Variants in KIF15 observed in about 807,000 individuals in gnomAD.
KIF15 encodes kinesin-like protein KIF15.
KIF15 carries 140 observed loss-of-function variants against 190.6 expected under a neutral mutation model. The ratio of observed to expected loss-of-function variants is 0.73; its 90% CI spans 0.64 to 0.84. The LOEUF (loss-of-function observed/expected upper bound fraction) is 0.84. Among genes scored for constraint, KIF15 ranks in the 40% least tolerant of loss-of-function variants. The pLI is 0.00. For missense variants in KIF15, 1,372 were observed against 1,584.4 expected, an observed-to-expected ratio of 0.87 and a Z score of 2.28; for synonymous variants, 528 against 551.3, an observed-to-expected ratio of 0.96 and a Z score of 0.59.
At chr3:44,808,690 T>C (rs569208807) in intron 16 of KIF15, among the ~76,000 whole-genome samples, 11 of 152,022 alleles carry the variant, frequency 7.2e-5, no homozygotes, top group Non-Finnish European at 1.6e-4. Flanking sequence ...TCTTTCCACA[T>C]TAACTGGTAC....
chr3:44,829,653 A>G (rs1247146549), intron 24 of KIF15, among the ~76,000 whole-genome samples: 1 of 115,144 alleles, frequency 8.7e-6, no homozygotes, highest in African/African-American at 3.2e-5. Flanking sequence ...TTATATATGT[A>G]TATATTATGT....
In KIF15 at chr3:44,812,255, A is replaced by G. The variant is rs778790727; in HGVS notation, c.2243A>G (p.Asp748Gly). ...HKNLKLQQHVDKLEHHSTQMQ... is the reference protein window; with the variant it reads ...HKNLKLQQHVGKLEHHSTQMQ... ...AACCTAAAGCTTCAGCAGCATGTTGACAAACTGGAACATCATTCTACCCAA... is the reference window on the plus strand; with the variant it reads ...AACCTAAAGCTTCAGCAGCATGTTGGCAAACTGGAACATCATTCTACCCAA... The change falls in exon 18 of 35, where the codon GAC becomes GGC. Residue 748 changes from aspartate (D) to glycine (G), a missense_variant. Asp to Gly is a moderately conservative substitution (Grantham distance 94). Transcript: ENST00000326047. The G allele has an allele frequency of 6.2e-7, 1 of 1,614,168 alleles. No individual in the cohort carries two copies. The highest frequency in any genetic ancestry group is 1.1e-5 in the South Asian group (1 of 91,080).
chr3:44,772,101 G>A (rs1705665828), intron 1 of KIF15, among the ~76,000 whole-genome samples: 1 of 152,074 alleles, frequency 6.6e-6, no homozygotes, highest in Non-Finnish European at 1.5e-5. Context: ...TGTTTATAGA[G>A]ATCACACACA....
At chr3:44,774,786 G>A (rs1190114088) in intron 2 of KIF15, among the ~76,000 whole-genome samples, 1 of 152,156 alleles carries the variant, frequency 6.6e-6, no homozygotes, top group Non-Finnish European at 1.5e-5. Context: ...AAAGGTATAG[G>A]TCATGTGAGA....
chr3:44,791,510 T>G (rs1706695202), intron 7 of KIF15, among the ~76,000 whole-genome samples: 1 of 152,236 alleles, frequency 6.6e-6, no homozygotes, highest in East Asian at 1.9e-4. Context: ...GCTGGGATTT[T>G]GAGTGGGGTT....
intron 16 of KIF15, 39 bp from the exon 17 acceptor site, chr3:44,810,807 A>G (rs1707748628): frequency 1.4e-6 from 2 of 1,471,754 alleles, no homozygotes; most frequent in Non-Finnish European, 1.9e-6. Context: ...CCCTTTTTAA[A>G]TATGTGCTAA....
Position 44,852,177 on chromosome 3 carries a change from A to G in KIF15, c.3973-31A>G, listed in dbSNP as rs756535727. On this transcript the variant is annotated intron_variant, in intron 33 of 34. Coordinates refer to ENST00000326047, the MANE Select transcript of KIF15 (RefSeq NM_020242.3). ...AAAAGAAAATTAAGACCTACTTCTC[A>G]TTTTTCCCTCCTTGGATTGATTACC... 10 of 1,587,370 alleles carry G rather than the reference A, an allele frequency of 6.3e-6. No homozygotes were observed. The African/African-American group carries it at 1.1e-4, about 17-fold the overall frequency.
intron 10 of KIF15, chr3:44,799,075 C>T: frequency 2.9e-6 from 1 of 345,072 alleles, no homozygotes; most frequent in South Asian, 2.3e-5. Context: ...ATCATTAGAG[C>T]TTCCTGACCC....
intron 13 of KIF15, 90 bp downstream of exon 13, chr3:44,802,064 A>C: frequency 1.2e-6 from 1 of 862,834 alleles, no homozygotes; most frequent in Non-Finnish European, 1.8e-6. Context: ...CTTTAATACA[A>C]TGGAAATTGT....
chr3:44,763,969 T>C (rs1705276593), intron 1 of KIF15, among the ~76,000 whole-genome samples: 1 of 152,228 alleles, frequency 6.6e-6, no homozygotes, highest in African/African-American at 2.4e-5. Flanking sequence ...ATTACAGGCG[T>C]GAGCCACTGC....
chr3:44,859,965 T>G (rs112667895), intron 6 of KIF15, among the ~76,000 whole-genome samples: 2 of 152,280 alleles, frequency 1.3e-5, no homozygotes, highest in African/African-American at 4.8e-5. Context: ...ATGGCATCAC[T>G]TCAGCCATCA....
chr3:44,823,825 C>T (rs985583973), intron 20 of KIF15, among the ~76,000 whole-genome samples: 13 of 152,180 alleles, frequency 8.5e-5, no homozygotes, highest in African/African-American at 2.4e-4. Context: ...GAGCTAGGTG[C>T]GGGATATAAT....
At chr3:44,827,662 G>C in intron 23 of KIF15, 134 bp downstream of exon 23, 1 of 521,796 alleles carries the variant, frequency 1.9e-6, no homozygotes, top group East Asian at 3.3e-5. Context: ...TTTGGGGCTG[G>C]TTCTATTATT....
At position 44,800,244 on chromosome 3, in the gene KIF15, CA is replaced by C. The variant is rs1336794559; in HGVS notation, c.1099-67del. The stretch of plus-strand genomic sequence containing the variant: ...GTTCATCACTACAAATCATACCAAA[CA>C]AATGTAAACACAGGACTATACTACT... On this transcript the variant is annotated intron_variant, in intron 10 of 34. Transcript: ENST00000326047. 4 of 1,443,594 alleles carry C rather than the reference CA, an allele frequency of 2.8e-6. No individual in the cohort carries two copies. In the African/African-American group the frequency reaches 4.3e-5, roughly 15 times the overall value. The allele number at this position is 1,443,594 out of a possible 1,614,324, so 89.4% of individuals were successfully genotyped here.
chr3:44,848,021 T>A lies in KIF15; in HGVS notation c.3732T>A (p.Asn1244Lys). The A allele has an allele frequency of 6.2e-7, 1 of 1,611,762 alleles. No individual in the cohort carries two copies. Among genetic ancestry groups the A allele is most frequent in the Non-Finnish European group, 8.5e-7 (1 of 1,178,792 alleles). ...QNHPDNQQLKNEQEESIKERL... is the reference protein window; with the variant it reads ...QNHPDNQQLKKEQEESIKERL... ...ATCCAGATAATCAACAGCTGAAGAA[T>A]GAACAAGAAGAAAGTATCAAAGAAA... The change falls in exon 31 of 35, where the codon AAT becomes AAA. Residue 1244 changes from asparagine to lysine, a missense_variant. Coordinates refer to ENST00000326047, the MANE Select transcript of KIF15 (RefSeq NM_020242.3).
intron 6 of KIF15, among the ~76,000 whole-genome samples, chr3:44,859,132 T>C (rs1213427083): frequency 6.6e-6 from 1 of 152,224 alleles, no homozygotes; most frequent in Non-Finnish European, 1.5e-5. Context: ...GCCAGATTTA[T>C]GGCACTTTAA....
At chr3:44,828,491 A>C (rs1486289373) in intron 24 of KIF15, among the ~76,000 whole-genome samples, 191 bp downstream of exon 24, 1 of 152,202 alleles carries the variant, frequency 6.6e-6, no homozygotes, top group African/African-American at 2.4e-5. Context: ...TTTGCCATGT[A>C]ACTTCAAGTA....
chr3:44,780,722 G>A (rs966358940), intron 4 of KIF15, among the ~76,000 whole-genome samples, 163 bp from the exon 5 acceptor site: 8 of 152,276 alleles, frequency 5.3e-5, no homozygotes, highest in African/African-American at 1.4e-4. Flanking sequence ...AGGGAGATTG[G>A]AGAGAAAGGA....
intron 16 of KIF15, among the ~76,000 whole-genome samples, chr3:44,808,618 A>AG (rs1353828638): frequency 2.0e-5 from 3 of 150,566 alleles, no homozygotes; most frequent in Non-Finnish European, 4.4e-5. Context: ...TTAAAAAAAA[A>AG]CGGTCATTCT....
Sources: gnomAD v4.1 joint callset for allele counts (sites outside exome capture counted in the v4.1 genomes callset) on GRCh38, gnomAD v4.1.1 for gene constraint, MANE v1.5 for transcripts, NCBI Gene and HGNC (gene_info 2026-07-23, HGNC 2026-07-21) for gene names.